Variants in EXOC4 observed in about 807,000 individuals in gnomAD.
EXOC4 encodes the protein exocyst complex component 4, also known as SEC8-like 1.
In EXOC4, 71 loss-of-function variants were observed where a neutral mutation model predicts 107.2. The ratio of observed to expected loss-of-function variants is 0.66; its 90% CI spans 0.55 to 0.81. The LOEUF (loss-of-function observed/expected upper bound fraction) is 0.81. Ranked by LOEUF, EXOC4 falls within the 30% of genes least tolerant of loss-of-function variation. EXOC4 has a pLI of 0.00. For missense variants in EXOC4, 1,108 were observed against 1,189.6 expected (o/e 0.93, Z 1.01); for synonymous variants, 456 against 441.2 (o/e 1.03, Z -0.42).
chr7:133,783,832 G>C (rs936516643), intron 10 of EXOC4, among the ~76,000 whole-genome samples: 7 of 152,210 alleles, frequency 4.6e-5, no homozygotes, highest in Non-Finnish European at 7.3e-5. Flanking sequence ...AACTTTGCCA[G>C]ACTCTTTCAT....
intron 13 of EXOC4, among the ~76,000 whole-genome samples, chr7:133,933,309 G>A (rs1800223696): frequency 6.6e-6 from 1 of 152,076 alleles, no homozygotes. Context: ...GGCTTAACAG[G>A]TTTAACATTC....
intron 7 of EXOC4, among the ~76,000 whole-genome samples, chr7:133,460,636 G>C (rs944458126): frequency 6.6e-6 from 1 of 151,898 alleles, no homozygotes; most frequent in Non-Finnish European, 1.5e-5. Flanking sequence ...GTTTAACCAA[G>C]CTGTCGACAG....
chr7:133,650,531 T>A (rs1354138711), intron 10 of EXOC4, among the ~76,000 whole-genome samples: 3 of 152,182 alleles, frequency 2.0e-5, no homozygotes, highest in Non-Finnish European at 4.4e-5. Flanking sequence ...TGGTGTGTGT[T>A]TATGTCTGTA....
At chr7:134,069,348 CCTTCTCCTTCTTCCTCCTCCCT>C (rs1796239660), downstream of EXOC4, among the ~76,000 whole-genome samples, 5 of 129,566 alleles carry the variant, frequency 3.9e-5, no homozygotes, top group Admixed American at 8.0e-5. Context: ...TTCTCCTCCT[CCTTCTCCTTCTTCCTCCTCCCT>C]CTTCTCCTCC....
chr7:133,925,411 C>T (rs1464522560), intron 13 of EXOC4, among the ~76,000 whole-genome samples: 1 of 152,130 alleles, frequency 6.6e-6, no homozygotes, highest in Non-Finnish European at 1.5e-5. Context: ...TTGCACCTGC[C>T]ATATATATGT....
chr7:134,007,955 C>A, intron 17 of EXOC4, 120 bp downstream of exon 17: 1 of 918,192 alleles, frequency 1.1e-6, no homozygotes, highest in Non-Finnish European at 1.6e-6. Context: ...AAGAAAGAAG[C>A]ACAGATAGAT....
At chr7:133,750,246 A>G (rs1466918172) in intron 10 of EXOC4, among the ~76,000 whole-genome samples, 3 of 151,974 alleles carry the variant, frequency 2.0e-5, no homozygotes, top group Non-Finnish European at 4.4e-5. Flanking sequence ...ACAGTGAGCC[A>G]TTGTCATGAT....
At chr7:133,887,717 C>A (rs879423912) in intron 11 of EXOC4, among the ~76,000 whole-genome samples, 1 of 152,206 alleles carries the variant, frequency 6.6e-6, no homozygotes, top group African/African-American at 2.4e-5. Context: ...TCAGAGGCAT[C>A]TCCTCATGCT....
intron 1 of EXOC4, among the ~76,000 whole-genome samples, chr7:133,258,823 C>T (rs1264968928): frequency 1.3e-5 from 2 of 151,990 alleles, no homozygotes. Context: ...TGAGAGTCAG[C>T]TGAAGAAGCT....
At chr7:133,328,377 A>C (rs1455303788) in intron 5 of EXOC4, among the ~76,000 whole-genome samples, 1 of 151,906 alleles carries the variant, frequency 6.6e-6, no homozygotes, top group African/African-American at 2.4e-5. Context: ...TTGACTTTTT[A>C]TCCAATTTGC....
chr7:133,329,474 G>A (rs1348986562), intron 5 of EXOC4, among the ~76,000 whole-genome samples: 1 of 152,056 alleles, frequency 6.6e-6, no homozygotes, highest in Non-Finnish European at 1.5e-5. Context: ...TTGCTGCTGA[G>A]GAGTTGTGAT....
intron 9 of EXOC4, among the ~76,000 whole-genome samples, chr7:133,614,224 T>C (rs537556818): frequency 1.3e-5 from 2 of 152,320 alleles, no homozygotes; most frequent in Non-Finnish European, 2.9e-5. Context: ...AGAGATAGGC[T>C]AACTCTACTC....
intron 10 of EXOC4, among the ~76,000 whole-genome samples, chr7:133,756,717 AC>A: frequency 6.6e-6 from 1 of 152,302 alleles, no homozygotes; most frequent in Admixed American, 6.5e-5. Context: ...AGTATTCCCC[AC>A]CTAACAGGTG....
In EXOC4 at chr7:134,004,901, C is replaced by G; in HGVS notation, c.2349-11C>G. 1 of 1,608,070 alleles carries G rather than the reference C, an allele frequency of 6.2e-7. No individual in the cohort carries two copies. Among genetic ancestry groups the G allele is most frequent in the East Asian group, 2.2e-5 (1 of 44,796 alleles). On this transcript the variant is annotated splice_polypyrimidine_tract_variant and intron_variant, in intron 15 of 17. Transcript: ENST00000253861. ...ATTATTAACTGCTCTCCCTATCTCT[C>G]TCTTTTTCAGGGTTCACTGTTTCCA...
intron 11 of EXOC4, among the ~76,000 whole-genome samples, chr7:133,888,571 T>C (rs892852589): frequency 1.8e-4 from 28 of 152,364 alleles, no homozygotes; most frequent in African/African-American, 6.7e-4. Flanking sequence ...TTTTCAGATA[T>C]AACACTGATT....
chr7:133,855,134 T>TATAA lies in EXOC4; in HGVS notation c.1734+37593_1734+37594insAATA, dbSNP rs1441649116. 1.3e-3 allele frequency among the ~76,000 whole-genome samples: 147 copies of TATAA among 110,776 alleles called. 1 individual carries two copies. The highest frequency in any genetic ancestry group is 5.6e-3 in the African/African-American group (121 of 21,716). The allele number at this position is 110,776 out of a possible 152,430, so 72.7% of individuals were successfully genotyped here. ...ATATAAATATATATATATAAATATA[T>TATAA]ATATATATAAATATATATATAAATA... On this transcript the variant is annotated intron_variant, in intron 11 of 17. Transcript: ENST00000253861.
chr7:134,088,860 GT>G, the EXOC4 span, among the ~76,000 whole-genome samples: 1 of 152,048 alleles, frequency 6.6e-6, no homozygotes, highest in Non-Finnish European at 1.5e-5. Context: ...CCTACAATAA[GT>G]TTTATTATAT....
intron 10 of EXOC4, among the ~76,000 whole-genome samples, chr7:133,731,408 T>C (rs535375855): frequency 1.3e-5 from 2 of 152,042 alleles, no homozygotes; most frequent in African/African-American, 4.8e-5. Flanking sequence ...TATCTTTGGC[T>C]TTTTTTTAAG....
chr7:133,598,157 C>T (rs12707103), intron 9 of EXOC4, among the ~76,000 whole-genome samples: 93,702 of 152,038 alleles, frequency 0.62, 30,099 homozygotes, highest in South Asian at 0.72. Flanking sequence ...TTATGTCTCA[C>T]AGGACAAAAG....
Sources: gnomAD v4.1 joint callset for allele counts (sites outside exome capture counted in the v4.1 genomes callset) on GRCh38, gnomAD v4.1.1 for gene constraint, MANE v1.5 for transcripts, NCBI Gene and HGNC (gene_info 2026-07-23, HGNC 2026-07-21) for gene names.